Variants in SPRED2 observed in about 807,000 individuals in gnomAD.
SPRED2 encodes the protein sprouty-related, EVH1 domain-containing protein 2.
Under a neutral mutation model 43.0 loss-of-function variants are expected in SPRED2, and 47 were observed. The ratio of observed to expected loss-of-function variants is 1.09; its 90% CI spans 0.87 to 1.40. SPRED2 has a LOEUF of 1.40. Among genes scored for constraint, SPRED2 ranks in the 40% most tolerant of loss-of-function variants. The pLI is 0.00. For missense variants in SPRED2, 561 were observed against 586.4 expected (o/e 0.96, Z 0.45); for synonymous variants, 225 against 225.7 (o/e 1.00, Z 0.03).
chr2:65,364,227 G>T (rs1674904214), intron 1 of SPRED2, among the ~76,000 whole-genome samples: 1 of 152,146 alleles, frequency 6.6e-6, no homozygotes, highest in African/African-American at 2.4e-5. Flanking sequence ...GAAAACCCAG[G>T]GAGGAATTTA....
chr2:65,371,426 C>T (rs961877342), intron 1 of SPRED2, among the ~76,000 whole-genome samples: 3 of 152,166 alleles, frequency 2.0e-5, no homozygotes, highest in African/African-American at 7.2e-5. Context: ...TGGTCACTTG[C>T]TGCCTTACTG....
Position 65,313,847 on chromosome 2 carries a change from C to G in SPRED2, c.911G>C (p.Gly304Ala), listed in dbSNP as rs752264739. Reference sequence around the variant, plus strand: ...GCAGTACACGCACCGCGAGCGCTCTCCGTCCTCCTTCCGCCGCCGCGACTT... The same window carrying G: ...GCAGTACACGCACCGCGAGCGCTCTGCGTCCTCCTTCCGCCGCCGCGACTT... ...RGKSRRRKED[G>A]ERSRCVYCRD... Residue 304 changes from glycine to alanine, a missense_variant, in exon 6 of 6, where the codon GGA becomes GCA. Gly to Ala is a moderately conservative substitution (Grantham distance 60, BLOSUM62 0). This residue lies in a region of SPRED2 where 164 missense variants were observed against 164.1 expected (regional missense o/e 1.00). Transcript: ENST00000356388. 6.2e-7 allele frequency: 1 copy of G among 1,611,954 alleles called. No individual in the cohort carries two copies. The highest frequency in any genetic ancestry group is 1.1e-5 in the South Asian group (1 of 91,060).
At chr2:65,413,747 TG>T (rs1304004054) in intron 1 of SPRED2, among the ~76,000 whole-genome samples, 1 of 152,184 alleles carries the variant, frequency 6.6e-6, no homozygotes, top group African/African-American at 2.4e-5. Context: ...TTTCAGTCCC[TG>T]GGGGGTCTGA....
At chr2:65,356,751 G>A (rs940095418) in intron 1 of SPRED2, among the ~76,000 whole-genome samples, 5 of 151,894 alleles carry the variant, frequency 3.3e-5, no homozygotes, top group Admixed American at 6.6e-5. Context: ...CAGCATTTTG[G>A]GAGGTTGAAG....
chr2:65,403,349 C>A (rs905799160), intron 1 of SPRED2, among the ~76,000 whole-genome samples: 25 of 152,358 alleles, frequency 1.6e-4, no homozygotes, highest in Admixed American at 1.3e-3. Flanking sequence ...TCAAAGCTCA[C>A]TGCAGCCTCG....
At chr2:65,340,887 C>T (rs1674157120) in intron 2 of SPRED2, among the ~76,000 whole-genome samples, 1 of 152,168 alleles carries the variant, frequency 6.6e-6, no homozygotes, top group Admixed American at 6.5e-5. Context: ...TTCATCTTTT[C>T]TTTGCCATTC....
chr2:65,375,955 G>A (rs1675227366), intron 1 of SPRED2, among the ~76,000 whole-genome samples: 1 of 152,198 alleles, frequency 6.6e-6, no homozygotes, highest in Admixed American at 6.5e-5. Context: ...GTTCAGCTCA[G>A]AGAGATTTTG....
chr2:65,410,651 C>G (rs914171942), intron 1 of SPRED2, among the ~76,000 whole-genome samples: 1 of 150,292 alleles, frequency 6.7e-6, no homozygotes, highest in Non-Finnish European at 1.5e-5. Context: ...CCCAGCTACT[C>G]GGGAGGCTGA....
At chr2:65,342,441 T>C (rs933506018) in intron 2 of SPRED2, among the ~76,000 whole-genome samples, 1 of 149,186 alleles carries the variant, frequency 6.7e-6, no homozygotes, top group African/African-American at 2.4e-5. Flanking sequence ...TATGTATATT[T>C]TGTATATATA....
In SPRED2 at chr2:65,366,888, G is replaced by A. The variant is rs543383406; in HGVS notation, c.27-21992C>T. 226 of 697,018 alleles carry A rather than the reference G, an allele frequency of 3.2e-4. 1 individual carries two copies. The highest frequency in any genetic ancestry group is 2.3e-3 in the Middle Eastern group (5 of 2,210). 43.2% of individuals were successfully genotyped at this position (697,018 alleles called of 1,614,324 possible). On this transcript the variant is annotated intron_variant, in intron 1 of 5. Coordinates refer to ENST00000356388, the MANE Select transcript of SPRED2 (RefSeq NM_181784.3). ...TGGAAGCCTGACAGCTGACAGATGC[G>A]TTTTCCAATTAAAATATTGTTTTAA... is the stretch of plus-strand genomic sequence containing the variant.
chr2:65,364,805 C>T (rs774519340), intron 1 of SPRED2, among the ~76,000 whole-genome samples: 5 of 151,790 alleles, frequency 3.3e-5, no homozygotes, highest in East Asian at 1.9e-4. Context: ...CTAATGTTTC[C>T]GTGAAAGCAC....
chr2:65,366,557 AAAAT>A, intron 1 of SPRED2: 1 of 1,546,168 alleles, frequency 6.5e-7, no homozygotes, highest in Non-Finnish European at 8.7e-7. Flanking sequence ...GAACAATGAA[AAAAT>A]AAAGTTCATG....
At position 65,398,129 on chromosome 2, in the gene SPRED2, A is replaced by T. The variant is rs1459231537; in HGVS notation, c.26+33833T>A. Among the ~76,000 whole-genome samples, 3 of 152,230 alleles carry T rather than the reference A, an allele frequency of 2.0e-5. No individual in the cohort carries two copies. In the East Asian group the frequency reaches 5.8e-4, roughly 29 times the overall value. ...TCTTTGACAAAGCAAACAAAAACTTAAAGCAGAAAAAGAACACCCTATTCA... is the reference window on the plus strand; with the variant it reads ...TCTTTGACAAAGCAAACAAAAACTTTAAGCAGAAAAAGAACACCCTATTCA... On this transcript the variant is annotated intron_variant, in intron 1 of 5. Transcript: ENST00000356388.
At chr2:65,336,513 C>G (rs955854059) in intron 2 of SPRED2, among the ~76,000 whole-genome samples, 1 of 152,116 alleles carries the variant, frequency 6.6e-6, no homozygotes, top group Non-Finnish European at 1.5e-5. Context: ...GACAACAGTT[C>G]CCTCCCATAA....
At chr2:65,410,530 C>T (rs1244857381) in intron 1 of SPRED2, among the ~76,000 whole-genome samples, 2 of 152,098 alleles carry the variant, frequency 1.3e-5, no homozygotes, top group Non-Finnish European at 1.5e-5. Flanking sequence ...GAGGCCGAGG[C>T]GGGCGGATCA....
chr2:65,333,371 G>A (rs550956529), intron 3 of SPRED2, among the ~76,000 whole-genome samples: 1 of 152,106 alleles, frequency 6.6e-6, no homozygotes, highest in South Asian at 2.1e-4. Context: ...GAGACTGCAG[G>A]AGAAAAAACA....
downstream of SPRED2, among the ~76,000 whole-genome samples, chr2:65,309,081 G>A (rs547029817): frequency 1.6e-4 from 25 of 151,818 alleles, no homozygotes; most frequent in Non-Finnish European, 3.2e-4. Context: ...ACTAGAACCC[G>A]GGAGGCGAAG....
chr2:65,422,955 A>C (rs1676467824), intron 1 of SPRED2, among the ~76,000 whole-genome samples: 1 of 152,194 alleles, frequency 6.6e-6, no homozygotes, highest in Non-Finnish European at 1.5e-5. Context: ...CTTAACCTTT[A>C]AGCAAAAGGG....
chr2:65,389,841 A>G (rs944531107), intron 1 of SPRED2, among the ~76,000 whole-genome samples: 1 of 152,252 alleles, frequency 6.6e-6, no homozygotes, highest in Non-Finnish European at 1.5e-5. Flanking sequence ...CAGGAGTAAA[A>G]TGGCATTATT....
Sources: allele counts gnomAD v4.1 joint callset (sites outside exome capture counted in the v4.1 genomes callset), GRCh38; gene constraint gnomAD v4.1.1; regional missense constraint gnomAD v4.1.1; transcripts MANE v1.5; gene names NCBI Gene and HGNC (gene_info 2026-07-23, HGNC 2026-07-21).